The following EYS variants were observed in gnomAD, a reference collection of about 807,000 sequenced individuals.
EYS encodes the protein EGF-like photoreceptor maintenance factor.
In EYS, 250 loss-of-function variants were observed where a neutral mutation model predicts 282.1. The ratio of observed to expected loss-of-function variants is 0.89; its 90% CI spans 0.80 to 0.98. EYS has a LOEUF of 0.98. EYS is among the 50% of genes least tolerant of loss of function. The pLI, the probability that EYS is intolerant of heterozygous loss-of-function variation, is 0.00. For missense variants in EYS, 4,016 were observed against 3,709.0 expected (o/e 1.08, Z -2.15); for synonymous variants, 1,355 against 1,282.9 (o/e 1.06, Z -1.20).
intron 29 of EYS, among the ~76,000 whole-genome samples, chr6:64,313,953 C>T (rs1461370723): frequency 6.6e-6 from 1 of 152,044 alleles, no homozygotes; most frequent in African/African-American, 2.4e-5. Context: ...GAAGAAACTG[C>T]ATCAACTAAT....
At chr6:63,902,669 T>C (rs1335788005) in intron 35 of EYS, among the ~76,000 whole-genome samples, 1 of 152,140 alleles carries the variant, frequency 6.6e-6, no homozygotes, top group Non-Finnish European at 1.5e-5. Flanking sequence ...TGAAATAGAT[T>C]GTGGTAAATT....
chr6:65,140,662 C>T (rs988321498), intron 12 of EYS, among the ~76,000 whole-genome samples: 1 of 151,534 alleles, frequency 6.6e-6, no homozygotes, highest in African/African-American at 2.4e-5. Flanking sequence ...ACAAACAACC[C>T]CATCAAAAAG....
At chr6:63,903,303 A>G (rs1773701980) in intron 35 of EYS, among the ~76,000 whole-genome samples, 1 of 152,190 alleles carries the variant, frequency 6.6e-6, no homozygotes, top group Non-Finnish European at 1.5e-5. Flanking sequence ...ATCAAGCTGG[A>G]GATTCAGGGA....
chr6:65,553,253 A>C (rs922509097), intron 2 of EYS, among the ~76,000 whole-genome samples: 1 of 152,206 alleles, frequency 6.6e-6, no homozygotes, highest in South Asian at 2.1e-4. Context: ...AAAAGGATTC[A>C]GTAATCAGAA....
At chr6:64,578,988 A>G (rs527468877) in intron 26 of EYS, among the ~76,000 whole-genome samples, 53 of 152,240 alleles carry the variant, frequency 3.5e-4, no homozygotes, top group African/African-American at 1.1e-3. Context: ...AGGCAACAGA[A>G]ATATCTTTTC....
At chr6:64,839,310 C>T (rs1765490554) in intron 19 of EYS, among the ~76,000 whole-genome samples, 1 of 151,854 alleles carries the variant, frequency 6.6e-6, no homozygotes, top group South Asian at 2.1e-4. Flanking sequence ...ATAGATCCTA[C>T]CAGTTACATA....
At chr6:63,907,016 T>G (rs6936580) in intron 35 of EYS, among the ~76,000 whole-genome samples, 1 of 151,868 alleles carries the variant, frequency 6.6e-6, no homozygotes, top group South Asian at 2.1e-4. Flanking sequence ...CTACTTCTTT[T>G]GACAGGAAAG....
intron 26 of EYS, among the ~76,000 whole-genome samples, chr6:64,528,019 G>A (rs1452066661): frequency 6.6e-6 from 1 of 151,782 alleles, no homozygotes; most frequent in Non-Finnish European, 1.5e-5. Context: ...ATGGATGTAA[G>A]TATACATAGA....
intron 26 of EYS, among the ~76,000 whole-genome samples, chr6:64,521,966 T>A (rs1247111110): frequency 1.3e-5 from 2 of 151,784 alleles, no homozygotes; most frequent in African/African-American, 2.4e-5. Context: ...AACAGTCAAG[T>A]GTTTACTGAG....
At chr6:65,196,089 A>G (rs1765759795) in intron 12 of EYS, among the ~76,000 whole-genome samples, 1 of 152,054 alleles carries the variant, frequency 6.6e-6, no homozygotes, top group South Asian at 2.1e-4. Context: ...AAGGCAATAA[A>G]ACAAGTTATC....
intron 11 of EYS, chr6:65,332,250 C>T: frequency 3.2e-6 from 2 of 631,482 alleles, no homozygotes; most frequent in Non-Finnish European, 5.9e-6. Context: ...TCTACATTAT[C>T]ATGCATTTTC....
intron 33 of EYS, among the ~76,000 whole-genome samples, chr6:64,056,369 C>G (rs1219665485): frequency 6.6e-6 from 1 of 152,184 alleles, no homozygotes; most frequent in Non-Finnish European, 1.5e-5. Context: ...CACATGTGTG[C>G]CAAGTATCAG....
At chr6:64,899,135 C>A (rs1421798533) in intron 18 of EYS, among the ~76,000 whole-genome samples, 3 of 152,080 alleles carry the variant, frequency 2.0e-5, no homozygotes, top group East Asian at 1.9e-4. Flanking sequence ...ACTCTCGACC[C>A]CAAATCAACA....
At chr6:65,408,431 T>C (rs1483789707) in intron 5 of EYS, among the ~76,000 whole-genome samples, 1 of 152,122 alleles carries the variant, frequency 6.6e-6, no homozygotes, top group Admixed American at 6.6e-5. Context: ...GAATTTTCCA[T>C]TTCTTCTTGA....
In EYS at chr6:64,038,265, C is replaced by T. The variant is rs138980222; in HGVS notation, c.6725+28073G>A. Among the ~76,000 whole-genome samples, 3 of 152,134 alleles carry T rather than the reference C, an allele frequency of 2.0e-5. No homozygotes were observed. In the East Asian group the frequency reaches 5.8e-4, roughly 29 times the overall value. On this transcript the variant is annotated intron_variant, in intron 33 of 42. Coordinates refer to ENST00000503581, the MANE Select transcript of EYS (RefSeq NM_001142800.2). ...GGTCTATTTCACAGCATGGTGACTA[C>T]AGTTAGTAACGATATATCATTTTCT...
chr6:64,324,389 T>A (rs1003427362), intron 29 of EYS, among the ~76,000 whole-genome samples: 1 of 152,148 alleles, frequency 6.6e-6, no homozygotes, highest in Non-Finnish European at 1.5e-5. Context: ...AATCAAATAA[T>A]CATTGTGACA....
intron 29 of EYS, among the ~76,000 whole-genome samples, chr6:64,334,586 T>C (rs1193932776): frequency 6.6e-6 from 1 of 152,092 alleles, no homozygotes; most frequent in Non-Finnish European, 1.5e-5. Context: ...AACCACATCA[T>C]AAGGTTGCAA....
chr6:64,698,320 T>C (rs1045285354), intron 22 of EYS, among the ~76,000 whole-genome samples: 1 of 151,830 alleles, frequency 6.6e-6, no homozygotes, highest in African/African-American at 2.4e-5. Context: ...AAGAAGAGAA[T>C]AACCAAGATC....
intron 36 of EYS, among the ~76,000 whole-genome samples, chr6:63,836,947 C>G: frequency 6.6e-6 from 1 of 151,702 alleles, no homozygotes; most frequent in Admixed American, 6.6e-5. Context: ...CATTCTCTGC[C>G]TTTTTTTTGA....
Sources: gnomAD v4.1 joint callset for allele counts (sites outside exome capture counted in the v4.1 genomes callset) on GRCh38, gnomAD v4.1.1 for gene constraint, MANE v1.5 for transcripts, NCBI Gene and HGNC (gene_info 2026-07-23, HGNC 2026-07-21) for gene names.